The following MTOR variants were observed in gnomAD, a reference collection of about 807,000 sequenced individuals.
MTOR encodes the protein serine/threonine-protein kinase mTOR.
MTOR carries 70 observed loss-of-function variants against 319.8 expected under a neutral mutation model. That is an observed-to-expected ratio of 0.22 (90% CI 0.18 to 0.27). The LOEUF (loss-of-function observed/expected upper bound fraction) is 0.27, where lower values mean the gene tolerates loss of function less well. Ranked by LOEUF, MTOR falls within the 10% of genes least tolerant of loss-of-function variation. The probability of loss-of-function intolerance (pLI) is 1.00; values close to 1 mark genes in which losing one functional copy is unlikely to be tolerated. For synonymous variants in MTOR, 1,183 were observed against 1,211.4 expected (o/e 0.98, Z 0.49); for missense variants, 1,890 against 3,274.4 (o/e 0.58, Z 10.32).
rs750345817 is a variant in MTOR, at chr1:11,237,826, G to C, written c.2208+17C>G. On this transcript the variant is annotated intron_variant, in intron 13 of 57. Coordinates refer to ENST00000361445, the MANE Select transcript of MTOR (RefSeq NM_004958.4). The stretch of plus-strand genomic sequence containing the variant: ...CCTGTCTTCCCTGCCTGTGGGTCTG[G>C]CCATCACCTCGGTTACCTGGATGAG... The C allele has an allele frequency of 6.2e-7, 1 of 1,613,454 alleles. No individual in the cohort carries two copies. Among genetic ancestry groups the C allele is most frequent in the East Asian group, 2.2e-5 (1 of 44,876 alleles).
At chr1:11,228,144 A>C (rs1018252679) in intron 19 of MTOR, among the ~76,000 whole-genome samples, 1 of 151,838 alleles carries the variant, frequency 6.6e-6, no homozygotes, top group African/African-American at 2.4e-5. Flanking sequence ...TGAACTCTAG[A>C]TTACTGAGAA....
chr1:11,236,111 C>T (rs1647210509), intron 13 of MTOR, among the ~76,000 whole-genome samples: 1 of 150,986 alleles, frequency 6.6e-6, no homozygotes, highest in African/African-American at 2.4e-5. Context: ...TTGATATTCT[C>T]ATTAGGAGGT....
intron 32 of MTOR, among the ~76,000 whole-genome samples, chr1:11,146,051 C>A (rs542065137): frequency 1.3e-5 from 2 of 152,258 alleles, no homozygotes; most frequent in East Asian, 1.9e-4. Context: ...GACGCCACAG[C>A]ACTGCAGTTT....
At chr1:11,249,063 A>C (rs1303461858) in intron 6 of MTOR, among the ~76,000 whole-genome samples, 1 of 152,082 alleles carries the variant, frequency 6.6e-6, no homozygotes, top group Admixed American at 6.6e-5. Flanking sequence ...GTTTCTACTA[A>C]AAATACAAAA....
At position 11,212,036 on chromosome 1, in the gene MTOR, C is replaced by A. The variant is rs780585544; in HGVS notation, c.3561+276G>T. 6.6e-6 allele frequency among the ~76,000 whole-genome samples: 1 copy of A among 152,134 alleles called. No individual in the cohort carries two copies. Among genetic ancestry groups the A allele is most frequent in the Non-Finnish European group, 1.5e-5 (1 of 68,034 alleles). ...CTTCTCCCCACTTCAACCCATCACT[C>A]TTAAGAAACAAACTGTTTATTTGCT... On this transcript the variant is annotated intron_variant, in intron 23 of 57. Transcript: ENST00000361445. The surrounding 1 kb of genome is among the most constrained non-coding windows in gnomAD (Gnocchi z 4.1).
At chr1:11,260,059 A>G (rs899372032) in intron 1 of MTOR, among the ~76,000 whole-genome samples, 1 of 152,264 alleles carries the variant, frequency 6.6e-6, no homozygotes, top group Non-Finnish European at 1.5e-5. Context: ...TGTTTAAAAC[A>G]GTGCAGGGCA....
At chr1:11,259,868 T>C (rs1278442819) in intron 1 of MTOR, among the ~76,000 whole-genome samples, 2 of 152,084 alleles carry the variant, frequency 1.3e-5, no homozygotes, top group Non-Finnish European at 2.9e-5. Context: ...AGGTAGAGGC[T>C]GCAGTGAGCC....
intron 28 of MTOR, chr1:11,194,497 C>T: frequency 6.2e-7 from 1 of 1,614,132 alleles, no homozygotes; most frequent in Non-Finnish European, 8.5e-7. Flanking sequence ...TGAGTATAGC[C>T]ACTTTGTTTT....
chr1:11,111,202 G>A lies in MTOR; in HGVS notation c.7367-1473C>T. ...ATAAGGATAAATTACCCTTTGGCAA[G>A]GTGGGGTGGCTCATGCCTGTAATCC... On this transcript the variant is annotated intron_variant, in intron 54 of 57. Transcript: ENST00000361445. 3 of 454,734 alleles carry A rather than the reference G, an allele frequency of 6.6e-6. No individual in the cohort carries two copies. In the Middle Eastern group the frequency reaches 9.8e-4, roughly 148 times the overall value. 28.2% of individuals were successfully genotyped at this position (454,734 alleles called of 1,614,324 possible).
At chr1:11,123,905 AGCCTCCTG>A (rs1189570497) in intron 47 of MTOR, among the ~76,000 whole-genome samples, 6 of 151,860 alleles carry the variant, frequency 4.0e-5, no homozygotes, top group Non-Finnish European at 8.8e-5. Flanking sequence ...CTCGTGCCTC[AGCCTCCTG>A]AGTAGCCGGG....
chr1:11,174,170 A>G (rs902345817), intron 28 of MTOR, among the ~76,000 whole-genome samples: 1 of 151,560 alleles, frequency 6.6e-6, no homozygotes, highest in African/African-American at 2.4e-5. Flanking sequence ...AAGTATCTTA[A>G]GTAATAATGA....
intron 19 of MTOR, among the ~76,000 whole-genome samples, chr1:11,218,417 G>A (rs1224076273): frequency 6.6e-6 from 1 of 150,498 alleles, no homozygotes; most frequent in Non-Finnish European, 1.5e-5. Flanking sequence ...GCGACAGGGC[G>A]AGACTCCATC....
chr1:11,255,032 GGGATTA>G (rs1461351170), intron 5 of MTOR, among the ~76,000 whole-genome samples: 1 of 151,980 alleles, frequency 6.6e-6, no homozygotes, highest in Non-Finnish European at 1.5e-5. Flanking sequence ...CCAAAATGTT[GGGATTA>G]CAGGCGTGAG....
At chr1:11,228,082 G>C (rs1646903107) in intron 19 of MTOR, among the ~76,000 whole-genome samples, 2 of 152,022 alleles carry the variant, frequency 1.3e-5, no homozygotes, top group Admixed American at 1.3e-4. Context: ...TCATGAAGGA[G>C]CAACCAGAAA....
In MTOR at chr1:11,133,494, G is replaced by A. The variant is rs1478658259; in HGVS notation, c.5247-297C>T. Reference sequence around the variant, plus strand: ...TTACCTACCCCAAACCCAATTTTTTGTGGGTGACAGTTGAGAGTTACTTCT... The same window carrying A: ...TTACCTACCCCAAACCCAATTTTTTATGGGTGACAGTTGAGAGTTACTTCT... On this transcript the variant is annotated intron_variant, in intron 37 of 57. Transcript: ENST00000361445. The surrounding 1 kb of genome is among the most constrained non-coding windows in gnomAD (Gnocchi z 4.0). Among the ~76,000 whole-genome samples, 1 of 2,788 alleles carries A rather than the reference G, an allele frequency of 3.6e-4. No homozygotes were observed. The highest frequency in any genetic ancestry group is 4.2e-4 in the African/African-American group (1 of 2,402). 1.8% of individuals were successfully genotyped at this position (2,788 alleles called of 152,430 possible).
intron 28 of MTOR, among the ~76,000 whole-genome samples, chr1:11,198,361 A>G (rs1055169785): frequency 6.6e-6 from 1 of 152,224 alleles, no homozygotes; most frequent in African/African-American, 2.4e-5. Flanking sequence ...CTAACTTTTT[A>G]AAGTGTTAAA....
At chr1:11,220,056 G>GA (rs1218262061) in intron 19 of MTOR, among the ~76,000 whole-genome samples, 8 of 94,880 alleles carry the variant, frequency 8.4e-5, no homozygotes, top group East Asian at 2.7e-4. Context: ...GAAAAGAAAA[G>GA]AAAAGAAAGA....
chr1:11,249,307 A>G (rs1479652820), intron 6 of MTOR, among the ~76,000 whole-genome samples: 1 of 152,180 alleles, frequency 6.6e-6, no homozygotes, highest in African/African-American at 2.4e-5. Context: ...CCAAACTTCT[A>G]AACTTTTCTT....
chr1:11,231,499 C>A, intron 16 of MTOR, 65 bp from the exon 17 acceptor site: 1 of 1,575,902 alleles, frequency 6.3e-7, no homozygotes, highest in East Asian at 2.2e-5. Context: ...TAGTTGAACT[C>A]TTTGTATAAT....
Sources: allele counts gnomAD v4.1 joint callset (sites outside exome capture counted in the v4.1 genomes callset), GRCh38; gene constraint gnomAD v4.1.1; non-coding constraint Gnocchi (gnomAD v3.1); transcripts MANE v1.5; gene names NCBI Gene and HGNC (gene_info 2026-07-23, HGNC 2026-07-21).